The following CPLANE1 variants were observed in gnomAD, a reference collection of about 807,000 sequenced individuals.
The protein encoded by CPLANE1 is ciliogenesis and planar polarity effector complex subunit 1.
Under a neutral mutation model 362.5 loss-of-function variants are expected in CPLANE1, and 263 were observed. The observed-to-expected ratio is 0.73, with a 90% confidence interval of 0.66 to 0.80. The LOEUF is 0.80. Ranked by LOEUF, CPLANE1 falls within the 30% of genes least tolerant of loss-of-function variation. CPLANE1 has a pLI of 0.00. For synonymous variants in CPLANE1, 1,212 were observed against 1,302.6 expected, an observed-to-expected ratio of 0.93 and a Z score of 1.50; for missense variants, 3,461 against 3,793.4, an observed-to-expected ratio of 0.91 and a Z score of 2.30.
In CPLANE1 at chr5:37,110,956, C is replaced by T. The variant is rs187243897; in HGVS notation, c.9401-2485G>A. On this transcript the variant is annotated intron_variant, in intron 51 of 52. Transcript: ENST00000651892. ...CCGAGTAGCTGGGACTACGGGCACC[C>T]GCCACCACACCCGGCTAATTTTTTG... is the stretch of plus-strand genomic sequence containing the variant. Among the ~76,000 whole-genome samples, 540 of 150,662 alleles carry T rather than the reference C, an allele frequency of 3.6e-3. 3 individuals are homozygous for T. Among genetic ancestry groups the T allele is most frequent in the African/African-American group, 0.012 (507 of 40,976 alleles).
At chr5:37,126,819 T>A (rs757917064) in intron 46 of CPLANE1, among the ~76,000 whole-genome samples, 4 of 151,758 alleles carry the variant, frequency 2.6e-5, no homozygotes, top group Non-Finnish European at 5.9e-5. Flanking sequence ...AACCTCCATC[T>A]CCAAAAAAGA....
the CPLANE1 span, among the ~76,000 whole-genome samples, chr5:37,088,440 G>A: frequency 1.3e-5 from 2 of 152,180 alleles, no homozygotes; most frequent in Non-Finnish European, 2.9e-5. Flanking sequence ...TTTTCTATGC[G>A]GAGATCCAGG....
rs750386274 is a variant in CPLANE1 at position 37,139,380 on chromosome 5, A to C, written c.8633-10T>G. ...TCACTGCTATTCATACCTAAAAAAAAAATCATTATTAATAAAAATTTTGGG... is the reference window on the plus strand; with the variant it reads ...TCACTGCTATTCATACCTAAAAAAACAATCATTATTAATAAAAATTTTGGG... On this transcript the variant is annotated splice_polypyrimidine_tract_variant and intron_variant, in intron 44 of 52. Coordinates refer to ENST00000651892, the MANE Select transcript of CPLANE1 (RefSeq NM_001384732.1). The C allele has an allele frequency of 5.1e-6, 6 of 1,176,024 alleles. No homozygotes were observed. 72.8% of individuals were successfully genotyped at this position (1,176,024 alleles called of 1,614,324 possible). A position where few individuals can be genotyped will look rare whatever the true frequency, so the allele number is the denominator to read the frequency against.
At chr5:37,238,799 G>C in intron 8 of CPLANE1, 58 bp downstream of exon 8, 1 of 949,496 alleles carries the variant, frequency 1.1e-6, no homozygotes, top group Admixed American at 3.0e-5. Context: ...ACACCTGACA[G>C]AGACCCATCT....
intron 41 of CPLANE1, among the ~76,000 whole-genome samples, chr5:37,155,969 C>A (rs964451149): frequency 6.6e-6 from 1 of 152,212 alleles, no homozygotes; most frequent in Admixed American, 6.5e-5. Context: ...ACCACTCATG[C>A]ATCTTAGCAG....
chr5:37,111,290 T>A (rs1314361390), intron 51 of CPLANE1, among the ~76,000 whole-genome samples: 1 of 147,326 alleles, frequency 6.8e-6, no homozygotes, highest in Non-Finnish European at 1.5e-5. Flanking sequence ...CTAGCTAATT[T>A]TTTTTTTGTA....
intron 25 of CPLANE1, among the ~76,000 whole-genome samples, chr5:37,184,008 A>T (rs987955951): frequency 1.3e-5 from 2 of 152,234 alleles, no homozygotes; most frequent in Non-Finnish European, 2.9e-5. Flanking sequence ...GGGTAAAAGA[A>T]ATAGTCCTCT....
At position 37,180,054 on chromosome 5, in the gene CPLANE1, TG is replaced by T; in HGVS notation, c.5699del (p.Thr1900LysfsTer32). 1 of 1,572,404 alleles carries T rather than the reference TG, an allele frequency of 6.4e-7. No individual in the cohort carries two copies. Among genetic ancestry groups the T allele is most frequent in the Non-Finnish European group, 8.6e-7 (1 of 1,158,486 alleles). On this transcript the variant is annotated frameshift_variant, in exon 28 of 53. Transcript: ENST00000651892. LOFTEE classifies it high-confidence loss of function. Reference sequence around the variant, plus strand: ...ATATGTGCATATCCATTTCCTCTTCTGTAAATGCTTCTACTTCTAAAAGATT... The same window carrying T: ...ATATGTGCATATCCATTTCCTCTTCTTAAATGCTTCTACTTCTAAAAGATT... ...DENLLEVEAF[T>X]EEEMDMHISD...
intron 51 of CPLANE1, among the ~76,000 whole-genome samples, chr5:37,111,519 T>G (rs1201843464): frequency 6.6e-6 from 1 of 152,202 alleles, no homozygotes; most frequent in Non-Finnish European, 1.5e-5. Context: ...ATCTATTAAT[T>G]TGGATCCCCA....
rs763568516 is a variant in CPLANE1, at chr5:37,120,329, T to G, written c.9197A>C (p.His3066Pro). 1 of 1,583,838 alleles carries G rather than the reference T, an allele frequency of 6.3e-7. No individual in the cohort carries two copies. Among genetic ancestry groups the G allele is most frequent in the Non-Finnish European group, 8.6e-7 (1 of 1,169,422 alleles). The change falls in exon 50 of 53, where the codon CAT becomes CCT. Residue 3066 changes from histidine to proline, a missense_variant. This residue lies in a region of CPLANE1 where 3,380 missense variants were observed against 3,666.1 expected (regional missense o/e 0.92). Transcript: ENST00000651892. The part of the protein sequence containing the change: ...HCPSPRGENQ[H>P]GHSFLINRPG... ...TCGATTTATTAGAAAACTGTGACCATGTTGATTCTCTCTATAGTAGAAATC... is the reference window on the plus strand; with the variant it reads ...TCGATTTATTAGAAAACTGTGACCAGGTTGATTCTCTCTATAGTAGAAATC...
At chr5:37,135,829 C>T (rs1279437703) in intron 46 of CPLANE1, among the ~76,000 whole-genome samples, 1 of 142,142 alleles carries the variant, frequency 7.0e-6, no homozygotes, top group Non-Finnish European at 1.6e-5. Flanking sequence ...GACTCTGTCT[C>T]AAAAAAAAAA....
intron 47 of CPLANE1, among the ~76,000 whole-genome samples, chr5:37,123,273 T>A (rs973656362): frequency 2.1e-4 from 32 of 152,344 alleles, no homozygotes; most frequent in African/African-American, 7.7e-4. Flanking sequence ...GTGAGTTACA[T>A]GTGAGGTTCT....
downstream of CPLANE1, among the ~76,000 whole-genome samples, chr5:37,103,660 T>C (rs1757404684): frequency 6.6e-6 from 1 of 152,218 alleles, no homozygotes; most frequent in East Asian, 1.9e-4. Flanking sequence ...TTCTGGGTTG[T>C]TAATTCTTTT....
rs542756123 is a variant in CPLANE1, at chr5:37,212,375, T to C, written c.2920+1184A>G. The C allele has an allele frequency of 6.1e-6, 5 of 819,346 alleles. No individual in the cohort carries two copies. The African/African-American group carries it at 8.3e-5, about 14-fold the overall frequency. The allele number at this position is 819,346 out of a possible 1,614,324, so 50.8% of individuals were successfully genotyped here. ...TTTCTCATGAAGAACCAGATGACTC[T>C]TGGTAACCATGTTTGCTGCCCAGCT... On this transcript the variant is annotated intron_variant, in intron 16 of 52. Coordinates refer to ENST00000651892, the MANE Select transcript of CPLANE1 (RefSeq NM_001384732.1).
intron 15 of CPLANE1, among the ~76,000 whole-genome samples, chr5:37,220,599 C>G (rs546043992): frequency 6.6e-6 from 1 of 151,890 alleles, no homozygotes; most frequent in Non-Finnish European, 1.5e-5. Context: ...TACCTTGGCT[C>G]GCTCACTGCA....
rs945595433 is a variant in CPLANE1, at chr5:37,154,040, G to T, written c.8120-47C>A. 4.0e-6 allele frequency: 6 copies of T among 1,500,516 alleles called. No individual in the cohort carries two copies. The African/African-American group carries it at 7.0e-5, about 17-fold the overall frequency. 93.0% of individuals were successfully genotyped at this position (1,500,516 alleles called of 1,614,324 possible). On this transcript the variant is annotated intron_variant, in intron 41 of 52. Coordinates refer to ENST00000651892, the MANE Select transcript of CPLANE1 (RefSeq NM_001384732.1). ...AGCAGAATTGATTATAATTAAAGAAGAGGTATTATTGATGATCTCATTTTT... is the reference window on the plus strand; with the variant it reads ...AGCAGAATTGATTATAATTAAAGAATAGGTATTATTGATGATCTCATTTTT...
the CPLANE1 span, among the ~76,000 whole-genome samples, chr5:37,094,034 A>G: frequency 1.5e-4 from 23 of 151,994 alleles, no homozygotes; most frequent in Non-Finnish European, 2.9e-4. Context: ...GGGGGGCAGG[A>G]GTGGAAGGAG....
chr5:37,237,706 C>T (rs894863734), intron 8 of CPLANE1, among the ~76,000 whole-genome samples: 1 of 152,086 alleles, frequency 6.6e-6, no homozygotes, highest in African/African-American at 2.4e-5. Context: ...AAAAATTATC[C>T]GGGCATGGTG....
the CPLANE1 span, among the ~76,000 whole-genome samples, chr5:37,081,906 T>G: frequency 6.6e-6 from 1 of 151,980 alleles, no homozygotes; most frequent in African/African-American, 2.4e-5. Context: ...TTTGGGAGGC[T>G]GAGGCAGGTG....
Sources: gnomAD v4.1 joint callset for allele counts (sites outside exome capture counted in the v4.1 genomes callset) on GRCh38, gnomAD v4.1.1 for gene constraint, gnomAD v4.1.1 regional missense constraint, MANE v1.5 for transcripts, NCBI Gene and HGNC (gene_info 2026-07-23, HGNC 2026-07-21) for gene names.